LAMA3: variants seen among roughly 807,000 people sequenced by gnomAD.
LAMA3 encodes the protein laminin subunit alpha 3.
Under a neutral mutation model 402.0 loss-of-function variants are expected in LAMA3, and 281 were observed. The observed-to-expected ratio is 0.70, with a 90% confidence interval of 0.63 to 0.77. The LOEUF (loss-of-function observed/expected upper bound fraction) is 0.77. Among genes scored for constraint, LAMA3 ranks in the 30% least tolerant of loss-of-function variants. The pLI, the probability that LAMA3 is intolerant of heterozygous loss-of-function variation, is 0.00. For missense variants in LAMA3, 3,840 were observed against 4,215.5 expected (o/e 0.91, Z 2.47); for synonymous variants, 1,431 against 1,558.4 (o/e 0.92, Z 1.93).
chr18:23,749,337 G>A lies in LAMA3; in HGVS notation c.566-91G>A, dbSNP rs959240384. Reference sequence around the variant, plus strand: ...GCCTTTCTGTTTTTTCTTTCTTTGTGTATTTTCTTAAGGAAACATAAGGCT... The same window carrying A: ...GCCTTTCTGTTTTTTCTTTCTTTGTATATTTTCTTAAGGAAACATAAGGCT... On this transcript the variant is annotated intron_variant, in intron 3 of 74. Transcript: ENST00000313654. The A allele has an allele frequency of 1.5e-5, 11 of 719,970 alleles. No individual in the cohort carries two copies. In the Admixed American group the frequency reaches 2.8e-4, roughly 18 times the overall value. 44.6% of individuals were successfully genotyped at this position (719,970 alleles called of 1,614,324 possible).
At chr18:23,809,083 T>TG (rs2063018898) in intron 12 of LAMA3, among the ~76,000 whole-genome samples, 1 of 152,200 alleles carries the variant, frequency 6.6e-6, no homozygotes, top group South Asian at 2.1e-4. Flanking sequence ...CCCCAAGCAC[T>TG]GGGGGACTTG....
chr18:23,699,052 G>A (rs146656441), intron 1 of LAMA3, among the ~76,000 whole-genome samples: 544 of 149,272 alleles, frequency 3.6e-3, no homozygotes, highest in Non-Finnish European at 5.9e-3. Flanking sequence ...GAGAGAGAGA[G>A]AGAAAGAAAA....
intron 1 of LAMA3, among the ~76,000 whole-genome samples, chr18:23,700,255 G>T (rs1450568902): frequency 6.6e-6 from 1 of 151,968 alleles, no homozygotes; most frequent in Non-Finnish European, 1.5e-5. Flanking sequence ...ATTCTTTCTT[G>T]CACGAGATCC....
intron 56 of LAMA3, 40 bp downstream of exon 56, chr18:23,912,921 T>G: frequency 6.3e-7 from 1 of 1,582,106 alleles, no homozygotes; most frequent in East Asian, 2.2e-5. Flanking sequence ...TTTGAAACAA[T>G]GTTTTTCGAG....
intron 12 of LAMA3, among the ~76,000 whole-genome samples, chr18:23,791,185 A>G (rs1262711166): frequency 6.6e-6 from 1 of 152,066 alleles, no homozygotes; most frequent in Non-Finnish European, 1.5e-5. Flanking sequence ...TTCCTGTTTT[A>G]TCTTTAATCC....
intron 1 of LAMA3, among the ~76,000 whole-genome samples, chr18:23,712,549 A>G (rs1336956450): frequency 6.6e-6 from 1 of 151,110 alleles, no homozygotes; most frequent in Non-Finnish European, 1.5e-5. Flanking sequence ...AGCAGGAAAC[A>G]TATGGCCTCC....
At chr18:23,758,288 G>T (rs771006122) in intron 6 of LAMA3, 108 bp from the exon 7 acceptor site, 4 of 760,050 alleles carry the variant, frequency 5.3e-6, no homozygotes, top group African/African-American at 1.7e-5. Context: ...TCAATGAATG[G>T]TGCCGTGGAT....
rs560796397 is a variant in LAMA3, at chr18:23,920,227, G to A, written c.7924-708G>A. Reference sequence around the variant, plus strand: ...AGGCAGGCTTGGCAGCCTGTAGGAGGCATGTAGGTCATACGTTCTGTGTGA... The same window carrying A: ...AGGCAGGCTTGGCAGCCTGTAGGAGACATGTAGGTCATACGTTCTGTGTGA... On this transcript the variant is annotated intron_variant, in intron 60 of 74. Coordinates refer to ENST00000313654, the MANE Select transcript of LAMA3 (RefSeq NM_198129.4). 1.2e-4 allele frequency among the ~76,000 whole-genome samples: 18 copies of A among 152,308 alleles called. No homozygotes were observed. The South Asian group carries it at 3.7e-3, about 32-fold the overall frequency.
chr18:23,827,344 C>T lies in LAMA3; in HGVS notation c.2700C>T (p.Thr900=). 6.2e-7 allele frequency: 1 copy of T among 1,614,172 alleles called. No homozygotes were observed. Among genetic ancestry groups the T allele is most frequent in the South Asian group, 1.1e-5 (1 of 91,086 alleles). The change falls in exon 23 of 75, where the codon ACC becomes ACT. Residue 900 remains threonine (T), a synonymous_variant. Coordinates refer to ENST00000313654, the MANE Select transcript of LAMA3 (RefSeq NM_198129.4). ...NCLLYQHLPV[T]RFPCTLACEA... ...TACTCTACCAGCATTTGCCAGTGAC[C>T]AGATTCCCCTGTACCCTGGCTTGTG...
At chr18:23,915,499 A>C in intron 59 of LAMA3, 77 bp downstream of exon 59, 2 of 1,382,104 alleles carry the variant, frequency 1.4e-6, no homozygotes, top group Non-Finnish European at 2.0e-6. Flanking sequence ...ATGATAAAGG[A>C]TGGGCCAGTG....
chr18:23,802,689 G>A (rs532843809), intron 12 of LAMA3, among the ~76,000 whole-genome samples: 1 of 152,210 alleles, frequency 6.6e-6, no homozygotes, highest in African/African-American at 2.4e-5. Context: ...AAGACCTCTC[G>A]ACCACCAGAG....
intron 12 of LAMA3, among the ~76,000 whole-genome samples, chr18:23,809,365 A>G (rs770135567): frequency 9.9e-5 from 15 of 152,214 alleles, no homozygotes; most frequent in Non-Finnish European, 1.8e-4. Flanking sequence ...AGACTAATCC[A>G]TTGACTTTAA....
chr18:23,853,615 C>T (rs1457522091), intron 32 of LAMA3, among the ~76,000 whole-genome samples: 2 of 152,162 alleles, frequency 1.3e-5, no homozygotes, highest in African/African-American at 4.8e-5. Flanking sequence ...ACATCTGGGC[C>T]TGATTCTCTG....
At chr18:23,837,577 A>ATATATATATATATATG (rs2063611669) in intron 25 of LAMA3, among the ~76,000 whole-genome samples, 1 of 140,702 alleles carries the variant, frequency 7.1e-6, no homozygotes, top group South Asian at 2.2e-4. Context: ...TCAGATATAT[A>ATATATATATATATATG]TATATATATA....
At chr18:23,851,557 T>C (rs2063945127) in intron 32 of LAMA3, among the ~76,000 whole-genome samples, 1 of 152,204 alleles carries the variant, frequency 6.6e-6, no homozygotes, top group South Asian at 2.1e-4. Context: ...CAGCGCCTGA[T>C]ACACTCTGAG....
At chr18:23,690,689 C>T (rs1419520075) in intron 1 of LAMA3, among the ~76,000 whole-genome samples, 1 of 151,710 alleles carries the variant, frequency 6.6e-6, no homozygotes, top group Non-Finnish European at 1.5e-5. Context: ...CGGCTCACGG[C>T]AGCCTCGAAC....
chr18:23,845,986 C>A (rs1392930648), intron 30 of LAMA3, among the ~76,000 whole-genome samples: 1 of 152,136 alleles, frequency 6.6e-6, no homozygotes, highest in East Asian at 1.9e-4. Flanking sequence ...TTTTTGGTAA[C>A]CACTTTATTG....
At chr18:23,730,168 A>G (rs890366471) in intron 2 of LAMA3, among the ~76,000 whole-genome samples, 5 of 152,162 alleles carry the variant, frequency 3.3e-5, no homozygotes, top group Non-Finnish European at 7.4e-5. Context: ...TGGCTCCACC[A>G]TGCAGGTGGA....
In LAMA3 at chr18:23,726,749, C is replaced by T. The variant is rs1034897652; in HGVS notation, c.447+12677C>T. 4.6e-5 allele frequency among the ~76,000 whole-genome samples: 7 copies of T among 152,188 alleles called. No individual in the cohort carries two copies. In the East Asian group the frequency reaches 1.4e-3, roughly 29 times the overall value. The stretch of plus-strand genomic sequence containing the variant: ...TCCCGTGTCTCAGCCTCTCCAGTAG[C>T]GGGGATTACAGGTGTCCGCCACTGC... On this transcript the variant is annotated intron_variant, in intron 2 of 74. Transcript: ENST00000313654.
Sources: allele counts gnomAD v4.1 joint callset (sites outside exome capture counted in the v4.1 genomes callset), GRCh38; gene constraint gnomAD v4.1.1; transcripts MANE v1.5; gene names NCBI Gene and HGNC (gene_info 2026-07-23, HGNC 2026-07-21).